Variants in ACACA observed in about 807,000 individuals in gnomAD.
ACACA encodes acetyl-CoA carboxylase 1.
Under a neutral mutation model 296.1 loss-of-function variants are expected in ACACA, and 103 were observed. That is an observed-to-expected ratio of 0.35 (90% CI 0.30 to 0.41). The LOEUF (loss-of-function observed/expected upper bound fraction) is 0.41, where lower values mean the gene tolerates loss of function less well. Ranked by LOEUF, ACACA falls within the 10% of genes least tolerant of loss-of-function variation. The probability of loss-of-function intolerance (pLI) is 1.00; values close to 1 mark genes in which losing one functional copy is unlikely to be tolerated. For missense variants in ACACA, 1,554 were observed against 2,989.7 expected (o/e 0.52, Z 11.20); for synonymous variants, 953 against 1,038.6 (o/e 0.92, Z 1.58).
intron 45 of ACACA, chr17:37,144,201 G>A: frequency 1.4e-6 from 1 of 729,864 alleles, no homozygotes; most frequent in South Asian, 1.4e-5. Context: ...GAAGCATCTG[G>A]ATGCTTCTTA....
At chr17:37,198,778 T>G (rs1048592657) in intron 35 of ACACA, among the ~76,000 whole-genome samples, 1 of 152,172 alleles carries the variant, frequency 6.6e-6, no homozygotes, top group Non-Finnish European at 1.5e-5. Flanking sequence ...GTGAACTGTA[T>G]GAAGGAAAAC....
Position 37,097,720 on chromosome 17 carries a change from T to C in ACACA, c.6720+110A>G. On this transcript the variant is annotated intron_variant, in intron 53 of 55. Transcript: ENST00000616317. The surrounding 1 kb of genome is among the most constrained non-coding windows in gnomAD (Gnocchi z 4.8). Reference sequence around the variant, plus strand: ...TTGAAAATGTTTTGATCTGCAGAAGTTGTTTTAATTTGGCCCTCATAGCTC... The same window carrying C: ...TTGAAAATGTTTTGATCTGCAGAAGCTGTTTTAATTTGGCCCTCATAGCTC... 2 of 1,290,428 alleles carry C rather than the reference T, an allele frequency of 1.5e-6. No homozygotes were observed. Among genetic ancestry groups the C allele is most frequent in the Admixed American group, 2.1e-5 (1 of 48,534 alleles). The allele number at this position is 1,290,428 out of a possible 1,614,324, so 79.9% of individuals were successfully genotyped here.
chr17:37,296,714 A>G (rs1312427137), intron 3 of ACACA, among the ~76,000 whole-genome samples: 1 of 151,504 alleles, frequency 6.6e-6, no homozygotes, highest in Non-Finnish European at 1.5e-5. Context: ...AGATTTCAAC[A>G]TATACATTTT....
intron 10 of ACACA, among the ~76,000 whole-genome samples, chr17:37,268,745 A>ATCTATCTATCTATC (rs750854724): frequency 3.5e-4 from 39 of 113,018 alleles, no homozygotes; most frequent in African/African-American, 1.2e-3. Flanking sequence ...ATCTATCTAT[A>ATCTATCTATCTATC]TATATATATA....
Position 37,330,198 on chromosome 17 carries a change from G to A in ACACA, c.313C>T (p.Gln105Ter). ...CTTATGTGCAAGGCCAAGCCATCCT[G>A]TAGGCTAGAGATCCCCAAATCAGAG... ...TLSDLGISSLQDGLALHIRSS... is the reference protein window; with the variant it reads ...TLSDLGISSL The change falls in exon 3 of 56, where the codon CAG becomes TAG. Residue 105 changes from glutamine to a stop codon, truncating the protein, a stop_gained. Coordinates refer to ENST00000616317, the MANE Select transcript of ACACA (RefSeq NM_198834.3). LOFTEE classifies it high-confidence loss of function. 6.2e-7 allele frequency: 1 copy of A among 1,614,164 alleles called. No individual in the cohort carries two copies. Among genetic ancestry groups the A allele is most frequent in the Non-Finnish European group, 8.5e-7 (1 of 1,180,034 alleles).
At chr17:37,347,415 C>T (rs1701180628) in intron 1 of ACACA, among the ~76,000 whole-genome samples, 1 of 152,114 alleles carries the variant, frequency 6.6e-6, no homozygotes, top group African/African-American at 2.4e-5. Context: ...CCTACCTCAG[C>T]CTCCTGAGTA....
intron 42 of ACACA, among the ~76,000 whole-genome samples, chr17:37,158,256 G>A (rs2076328871): frequency 6.6e-6 from 1 of 152,136 alleles, no homozygotes; most frequent in South Asian, 2.1e-4. Flanking sequence ...TGTTGAGTCT[G>A]GATATATGAA....
At chr17:37,354,112 T>C (rs1456959406) in intron 1 of ACACA, among the ~76,000 whole-genome samples, 1 of 152,034 alleles carries the variant, frequency 6.6e-6, no homozygotes, top group African/African-American at 2.4e-5. Context: ...TGTCTCAAAA[T>C]AAAGAAAATA....
chr17:37,119,667 A>G (rs78086979), intron 50 of ACACA, among the ~76,000 whole-genome samples: 4,933 of 149,720 alleles, frequency 0.033, 230 homozygotes, highest in African/African-American at 0.1. Context: ...CATTTTGCCA[A>G]GGAGGCCTGG....
chr17:37,254,248 T>C (rs1175678735), intron 14 of ACACA, among the ~76,000 whole-genome samples: 1 of 152,220 alleles, frequency 6.6e-6, no homozygotes, highest in Non-Finnish European at 1.5e-5. Flanking sequence ...TTCATCTCCC[T>C]ACAGTTTCAT....
intron 1 of ACACA, among the ~76,000 whole-genome samples, chr17:37,390,272 ATATAT>A (rs2050775136): frequency 2.1e-5 from 1 of 46,626 alleles, no homozygotes; most frequent in Non-Finnish European, 3.5e-5. Context: ...ATTATATATA[ATATAT>A]TATATATAAT....
At chr17:37,278,610 C>G (rs1377681235) in intron 5 of ACACA, among the ~76,000 whole-genome samples, 17 of 152,160 alleles carry the variant, frequency 1.1e-4, no homozygotes. Context: ...AATTTGTCAC[C>G]TAACATCTCT....
At chr17:37,371,173 G>A (rs149621056) in intron 1 of ACACA, among the ~76,000 whole-genome samples, 2,652 of 151,762 alleles carry the variant, frequency 0.017, 47 homozygotes, top group Non-Finnish European at 0.027. Context: ...TCCACCTCCC[G>A]CGTTCAAGTG....
intron 14 of ACACA, among the ~76,000 whole-genome samples, chr17:37,254,881 A>G (rs1178868847): frequency 6.6e-6 from 1 of 151,876 alleles, no homozygotes; most frequent in Non-Finnish European, 1.5e-5. Flanking sequence ...AAAAAAAAAA[A>G]GAATAAATGA....
At chr17:37,197,703 T>C (rs1301866429) in intron 35 of ACACA, among the ~76,000 whole-genome samples, 3 of 152,182 alleles carry the variant, frequency 2.0e-5, no homozygotes, top group African/African-American at 4.8e-5. Flanking sequence ...TCCTGGCTAG[T>C]GTAGATCCTG....
At chr17:37,275,857 C>G in intron 8 of ACACA, 94 bp downstream of exon 8, 1 of 1,045,098 alleles carries the variant, frequency 9.6e-7, no homozygotes, top group Admixed American at 1.7e-5. Flanking sequence ...CATTTCTTGT[C>G]AAGTATACCA....
intron 1 of ACACA, chr17:37,379,239 A>G: frequency 1.2e-6 from 2 of 1,613,996 alleles, no homozygotes; most frequent in Non-Finnish European, 1.7e-6. Context: ...AACCTTGTAT[A>G]TTTGGAGAGA....
chr17:37,194,860 A>T (rs1005217775), intron 35 of ACACA, among the ~76,000 whole-genome samples: 7 of 152,250 alleles, frequency 4.6e-5, no homozygotes, highest in African/African-American at 1.7e-4. Flanking sequence ...ATCCTTTTTT[A>T]AAAGCCTTTT....
At chr17:37,193,531 C>G in intron 35 of ACACA, 116 bp from the exon 36 acceptor site, 2 of 746,662 alleles carry the variant, frequency 2.7e-6, no homozygotes, top group East Asian at 2.6e-5. Context: ...AAACATGCTT[C>G]TTACCTAAGC....
Sources: gnomAD v4.1 joint callset for allele counts (sites outside exome capture counted in the v4.1 genomes callset) on GRCh38, gnomAD v4.1.1 for gene constraint, Gnocchi (gnomAD v3.1) non-coding constraint, MANE v1.5 for transcripts, NCBI Gene and HGNC (gene_info 2026-07-23, HGNC 2026-07-21) for gene names.